FBXL17: variants seen among roughly 807,000 people sequenced by gnomAD.
FBXL17 encodes the protein F-box and leucine rich repeat protein 17.
FBXL17 carries 22 observed loss-of-function variants against 66.2 expected under a neutral mutation model. The observed-to-expected ratio is 0.33, with a 90% CI of 0.24 to 0.47. FBXL17 has a LOEUF of 0.47. Among genes scored for constraint, FBXL17 ranks in the 20% least tolerant of loss-of-function variants. The pLI is 1.00. For missense variants in FBXL17, 878 were observed against 948.2 expected, an observed-to-expected ratio of 0.93 and a Z score of 0.97; for synonymous variants, 474 against 400.5, an observed-to-expected ratio of 1.18 and a Z score of -2.19.
chr5:107,973,428 A>C (rs1381701319), intron 7 of FBXL17, among the ~76,000 whole-genome samples: 1 of 148,212 alleles, frequency 6.7e-6, no homozygotes, highest in Non-Finnish European at 1.5e-5. Context: ...GCCCAAGACA[A>C]TTCTTCTTCT....
At chr5:108,342,262 G>GT (rs1746937062) in intron 4 of FBXL17, among the ~76,000 whole-genome samples, 1 of 152,206 alleles carries the variant, frequency 6.6e-6, no homozygotes, top group South Asian at 2.1e-4. Context: ...CACTATGTCT[G>GT]TAATACAGAG....
chr5:108,247,297 G>C (rs1234583091), intron 4 of FBXL17, among the ~76,000 whole-genome samples: 1 of 151,956 alleles, frequency 6.6e-6, no homozygotes, highest in Non-Finnish European at 1.5e-5. Flanking sequence ...GATAATTCCA[G>C]AGATGGAAAT....
In FBXL17 at chr5:107,881,237, T is replaced by C. The variant is rs535821449; in HGVS notation, c.1823-58A>G. 23 of 970,096 alleles carry C rather than the reference T, an allele frequency of 2.4e-5. No homozygotes were observed. In the East Asian group the frequency reaches 3.7e-4, roughly 16 times the overall value. The allele number at this position is 970,096 out of a possible 1,614,324, so 60.1% of individuals were successfully genotyped here. Reference sequence around the variant, plus strand: ...TTAGCAGTGTAAGGGAGCTCTATCTTATTATGACTATTCATCTCATTTCCT... The same window carrying C: ...TTAGCAGTGTAAGGGAGCTCTATCTCATTATGACTATTCATCTCATTTCCT... On this transcript the variant is annotated intron_variant, in intron 7 of 8. Coordinates refer to ENST00000542267, the MANE Select transcript of FBXL17 (RefSeq NM_001163315.3).
intron 4 of FBXL17, among the ~76,000 whole-genome samples, chr5:108,295,081 C>G (rs1758289452): frequency 6.6e-6 from 1 of 151,748 alleles, no homozygotes; most frequent in South Asian, 2.1e-4. Flanking sequence ...GCAGCAACAA[C>G]AAAAAATATT....
intron 8 of FBXL17, among the ~76,000 whole-genome samples, chr5:107,864,885 C>T (rs536288884): frequency 5.3e-5 from 8 of 152,308 alleles, no homozygotes; most frequent in Middle Eastern, 6.8e-3. Context: ...ACTAATACAT[C>T]ACTGCCAGGA....
chr5:107,948,042 T>C (rs10053821), intron 7 of FBXL17, among the ~76,000 whole-genome samples: 11,339 of 152,078 alleles, frequency 0.075, 546 homozygotes, highest in South Asian at 0.14. Context: ...CCCGCCAACT[T>C]TCCTCATGGG....
chr5:108,120,735 A>G (rs1398019836), intron 6 of FBXL17, among the ~76,000 whole-genome samples: 1 of 152,170 alleles, frequency 6.6e-6, no homozygotes, highest in African/African-American at 2.4e-5. Context: ...CAGAAGGCTG[A>G]GGCAGGAGGA....
At chr5:108,018,273 G>A (rs1423231750) in intron 7 of FBXL17, among the ~76,000 whole-genome samples, 1 of 152,076 alleles carries the variant, frequency 6.6e-6, no homozygotes, top group Non-Finnish European at 1.5e-5. Context: ...TATAGAATAT[G>A]TTTCTACTCG....
At chr5:108,171,431 A>G (rs1334238563) in intron 6 of FBXL17, among the ~76,000 whole-genome samples, 1 of 152,182 alleles carries the variant, frequency 6.6e-6, no homozygotes, top group Non-Finnish European at 1.5e-5. Flanking sequence ...CATTCTACCT[A>G]TCTGTGCTCC....
intron 6 of FBXL17, among the ~76,000 whole-genome samples, chr5:108,053,740 A>C (rs1423869748): frequency 2.6e-5 from 4 of 152,222 alleles, no homozygotes; most frequent in Non-Finnish European, 5.9e-5. Context: ...ATACCATTTG[A>C]CCCAGCAATC....
intron 6 of FBXL17, among the ~76,000 whole-genome samples, chr5:108,032,722 T>C (rs1274205312): frequency 6.6e-6 from 1 of 152,182 alleles, no homozygotes; most frequent in Non-Finnish European, 1.5e-5. Flanking sequence ...CCAGGGAAAC[T>C]AGTTTTGGAC....
At chr5:108,244,729 T>C (rs1297821389) in intron 4 of FBXL17, among the ~76,000 whole-genome samples, 2 of 152,192 alleles carry the variant, frequency 1.3e-5, no homozygotes, top group East Asian at 3.8e-4. Context: ...ATACATAAAC[T>C]GTCCTATTCT....
intron 7 of FBXL17, among the ~76,000 whole-genome samples, chr5:108,010,395 G>C (rs1754129677): frequency 6.6e-6 from 1 of 152,180 alleles, no homozygotes; most frequent in Non-Finnish European, 1.5e-5. Flanking sequence ...TGGGGATTAA[G>C]TGAGTATTGG....
At position 108,326,970 on chromosome 5, in the gene FBXL17, A is replaced by C. The variant is rs189271582; in HGVS notation, c.1506+21429T>G. Among the ~76,000 whole-genome samples, 43 of 152,298 alleles carry C rather than the reference A, an allele frequency of 2.8e-4. No homozygotes were observed. The South Asian group carries it at 7.0e-3, about 25-fold the overall frequency. ...AAACAACTCAGCCAACTCATTCCTT[A>C]AAATTTATTCAAGAGAAATGAAAGC... On this transcript the variant is annotated intron_variant, in intron 4 of 8. Transcript: ENST00000542267.
At chr5:108,220,649 C>G (rs1271371457) in intron 5 of FBXL17, among the ~76,000 whole-genome samples, 2 of 152,064 alleles carry the variant, frequency 1.3e-5, no homozygotes, top group Non-Finnish European at 2.9e-5. Context: ...TCTTCCTTTT[C>G]AATGCTCAAA....
intron 6 of FBXL17, among the ~76,000 whole-genome samples, chr5:108,068,812 T>C (rs1304139511): frequency 2.0e-5 from 3 of 152,154 alleles, no homozygotes; most frequent in African/African-American, 7.2e-5. Context: ...AAAATGAATG[T>C]TTACAACCTA....
intron 7 of FBXL17, among the ~76,000 whole-genome samples, chr5:107,884,244 C>CA (rs1340383967): frequency 1.3e-5 from 2 of 152,178 alleles, no homozygotes; most frequent in African/African-American, 2.4e-5. Flanking sequence ...GACAGAACAA[C>CA]ATTTAGCTGG....
In FBXL17 at chr5:107,879,767, T is replaced by G. The variant is rs186158326; in HGVS notation, c.1965+1270A>C. ...TCACCATTTACAAAAGTAGCACACATGTGTAAATTAGTACAAGATGGCGGC... is the reference window on the plus strand; with the variant it reads ...TCACCATTTACAAAAGTAGCACACAGGTGTAAATTAGTACAAGATGGCGGC... On this transcript the variant is annotated intron_variant, in intron 8 of 8. Transcript: ENST00000542267. 6.1e-6 allele frequency: 6 copies of G among 985,416 alleles called. No homozygotes were observed. In the African/African-American group the frequency reaches 1.0e-4, roughly 17 times the overall value. 61.0% of individuals were successfully genotyped at this position (985,416 alleles called of 1,614,324 possible). A position where few individuals can be genotyped will look rare whatever the true frequency, so the allele number is the denominator to read the frequency against.
chr5:108,113,760 A>T (rs951913897), intron 6 of FBXL17, among the ~76,000 whole-genome samples: 1 of 152,102 alleles, frequency 6.6e-6, no homozygotes, highest in Non-Finnish European at 1.5e-5. Context: ...TTTTCTTGTT[A>T]ATCTGGAAAG....
Sources: gnomAD v4.1 joint callset for allele counts (sites outside exome capture counted in the v4.1 genomes callset) on GRCh38, gnomAD v4.1.1 for gene constraint, MANE v1.5 for transcripts, NCBI Gene and HGNC (gene_info 2026-07-23, HGNC 2026-07-21) for gene names.